The following UACA variants were observed in gnomAD, a reference collection of about 807,000 sequenced individuals.
UACA encodes nuclear membrane binding protein.
UACA carries 112 observed loss-of-function variants against 160.5 expected under a neutral mutation model. The ratio of observed to expected loss-of-function variants is 0.70; its 90% CI spans 0.60 to 0.82. The LOEUF is 0.82. Ranked by LOEUF, UACA falls within the 40% of genes least tolerant of loss-of-function variation. UACA has a pLI of 0.00. For synonymous variants in UACA, 557 were observed against 568.4 expected (o/e 0.98, Z 0.29); for missense variants, 1,574 against 1,614.6 (o/e 0.97, Z 0.43).
chr15:70,701,794 A>C (rs1898373097), intron 1 of UACA: 1 of 1,309,202 alleles, frequency 7.6e-7, no homozygotes, highest in South Asian at 1.4e-5. Flanking sequence ...CAAATTAATA[A>C]AACAGTAGTG....
chr15:70,683,042 T>G (rs145805376), intron 8 of UACA, among the ~76,000 whole-genome samples: 87 of 152,190 alleles, frequency 5.7e-4, no homozygotes, highest in African/African-American at 2.0e-3. Flanking sequence ...GACTAAGGAT[T>G]GGAGGCAGGT....
At chr15:70,708,877 C>G (rs114378014) in intron 1 of UACA, among the ~76,000 whole-genome samples, 1,639 of 152,252 alleles carry the variant, frequency 0.011, 27 homozygotes, top group African/African-American at 0.038. Context: ...ACTGTTAAAG[C>G]TGAGTTACAG....
intron 1 of UACA, among the ~76,000 whole-genome samples, chr15:70,742,851 C>T (rs777975679): frequency 4.6e-5 from 7 of 152,126 alleles, no homozygotes; most frequent in Admixed American, 1.3e-4. Flanking sequence ...TGCCATATAA[C>T]AAACCACTAC....
chr15:70,684,830 C>G (rs1189907416), intron 7 of UACA, among the ~76,000 whole-genome samples: 1 of 152,128 alleles, frequency 6.6e-6, no homozygotes, highest in Non-Finnish European at 1.5e-5. Flanking sequence ...ATATTCATTG[C>G]ATTTATAAAA....
intron 17 of UACA, among the ~76,000 whole-genome samples, chr15:70,664,105 G>A (rs1177118287): frequency 6.6e-6 from 1 of 152,082 alleles, no homozygotes; most frequent in Admixed American, 6.5e-5. Context: ...AATGTTCCTT[G>A]CCACTTCCTT....
At chr15:70,659,396 T>TTTTTG in intron 18 of UACA, among the ~76,000 whole-genome samples, 1 of 57,298 alleles carries the variant, frequency 1.7e-5, no homozygotes, top group African/African-American at 7.8e-5. Flanking sequence ...TTTTTGTTTG[T>TTTTTG]TTTTTTTTTT....
At chr15:70,709,246 A>G (rs1351073476) in intron 1 of UACA, among the ~76,000 whole-genome samples, 1 of 152,236 alleles carries the variant, frequency 6.6e-6, no homozygotes, top group Non-Finnish European at 1.5e-5. Context: ...AAATTTCTAC[A>G]GTCAGTTATT....
intron 3 of UACA, among the ~76,000 whole-genome samples, chr15:70,692,858 G>A (rs982369252): frequency 2.0e-5 from 3 of 152,186 alleles, no homozygotes; most frequent in African/African-American, 7.2e-5. Flanking sequence ...ATCTTGGAGG[G>A]ATAAATAAAT....
chr15:70,729,304 A>G (rs866537310), intron 1 of UACA, among the ~76,000 whole-genome samples: 8 of 152,180 alleles, frequency 5.3e-5, no homozygotes, highest in African/African-American at 1.4e-4. Context: ...TCAAGAGTGG[A>G]CTGGAAAAAG....
chr15:70,677,133 A>G lies in UACA; in HGVS notation c.1007T>C (p.Met336Thr), dbSNP rs761281162. The G allele has an allele frequency of 2.5e-6, 4 of 1,602,616 alleles. No individual in the cohort carries two copies. The highest frequency in any genetic ancestry group is 3.4e-6 in the Non-Finnish European group (4 of 1,174,172). ...CTCGCTTTCCAGATCATCAGCAACC[A>G]TAACTTCCTAAATTTAAAAAGAACA... Reference protein sequence around the residue: ...GLQLQLNEEVMVADDLESERE... With the variant: ...GLQLQLNEEVTVADDLESERE... The change falls in exon 12 of 19, where the codon ATG becomes ACG. Residue 336 changes from methionine to threonine, a missense_variant. By Grantham distance (81) the Met-to-Thr change is moderately conservative. Coordinates refer to ENST00000322954, the MANE Select transcript of UACA (RefSeq NM_018003.4).
At chr15:70,751,958 G>A (rs112179189) in intron 1 of UACA, among the ~76,000 whole-genome samples, 2,318 of 152,134 alleles carry the variant, frequency 0.015, 25 homozygotes, top group Non-Finnish European at 0.024. Context: ...TAACATGGCC[G>A]GGCACAGTGG....
chr15:70,694,435 T>G (rs1007951018), intron 3 of UACA, among the ~76,000 whole-genome samples: 1 of 152,088 alleles, frequency 6.6e-6, no homozygotes, highest in Non-Finnish European at 1.5e-5. Context: ...AGGCACAGAA[T>G]GGGTTCCTTA....
chr15:70,662,523 T>C (rs1016476636), intron 17 of UACA, among the ~76,000 whole-genome samples: 12 of 152,160 alleles, frequency 7.9e-5, no homozygotes, highest in Middle Eastern at 3.2e-3. Flanking sequence ...TTAAAGTTCA[T>C]ATGGAACCAA....
chr15:70,712,981 C>T (rs1434049777), intron 1 of UACA, among the ~76,000 whole-genome samples: 1 of 152,200 alleles, frequency 6.6e-6, no homozygotes, highest in Non-Finnish European at 1.5e-5. Flanking sequence ...AGTCTCTCTT[C>T]CCATGGAACT....
At chr15:70,768,551 C>T (rs946663902), upstream of UACA, among the ~76,000 whole-genome samples, 1 of 152,136 alleles carries the variant, frequency 6.6e-6, no homozygotes, top group Non-Finnish European at 1.5e-5. Flanking sequence ...AATGATAAGA[C>T]TGATGGCCCT....
intron 1 of UACA, chr15:70,703,106 C>A: frequency 1.6e-6 from 2 of 1,289,044 alleles, no homozygotes; most frequent in Non-Finnish European, 2.0e-6. Context: ...GCATTCTCTA[C>A]GATAGCATAC....
intron 1 of UACA, among the ~76,000 whole-genome samples, chr15:70,759,942 T>C (rs1399993649): frequency 6.6e-6 from 1 of 152,254 alleles, no homozygotes; most frequent in African/African-American, 2.4e-5. Context: ...GCTAATATGC[T>C]GTATTCCACA....
intron 1 of UACA, among the ~76,000 whole-genome samples, chr15:70,745,913 G>A (rs944728822): frequency 4.0e-5 from 6 of 151,860 alleles, no homozygotes; most frequent in African/African-American, 7.3e-5. Flanking sequence ...AGCCATATGC[G>A]GAAAACTGGC....
chr15:70,776,591 C>A, the UACA span, among the ~76,000 whole-genome samples: 1 of 152,048 alleles, frequency 6.6e-6, no homozygotes, highest in Non-Finnish European at 1.5e-5. Flanking sequence ...CCATGCCTGG[C>A]TAAATTTTTG....
Sources: allele counts gnomAD v4.1 joint callset (sites outside exome capture counted in the v4.1 genomes callset), GRCh38; gene constraint gnomAD v4.1.1; transcripts MANE v1.5; gene names NCBI Gene and HGNC (gene_info 2026-07-23, HGNC 2026-07-21).